Variants in SH3RF3 observed in about 807,000 individuals in gnomAD.
The protein encoded by SH3RF3 is E3 ubiquitin-protein ligase SH3RF3.
Under a neutral mutation model 66.3 loss-of-function variants are expected in SH3RF3, and 29 were observed. The ratio of observed to expected loss-of-function variants is 0.44; its 90% CI spans 0.33 to 0.60. The LOEUF (loss-of-function observed/expected upper bound fraction) is 0.60. Among genes scored for constraint, SH3RF3 ranks in the 20% least tolerant of loss-of-function variants. The pLI is 0.04. For missense variants in SH3RF3, 1,194 were observed against 1,190.9 expected, an observed-to-expected ratio of 1.00 and a Z score of -0.04; for synonymous variants, 583 against 532.0, an observed-to-expected ratio of 1.10 and a Z score of -1.32.
At chr2:109,173,854 A>C (rs951563360) in intron 1 of SH3RF3, among the ~76,000 whole-genome samples, 1 of 152,226 alleles carries the variant, frequency 6.6e-6, no homozygotes, top group Non-Finnish European at 1.5e-5. Flanking sequence ...TTGGATGTTC[A>C]GACTCAGCTC....
At chr2:109,309,986 T>C (rs560382083) in intron 1 of SH3RF3, among the ~76,000 whole-genome samples, 1 of 126,026 alleles carries the variant, frequency 7.9e-6, no homozygotes, top group Non-Finnish European at 1.6e-5. Flanking sequence ...CTGCACCAGG[T>C]GGACCTAATA....
At chr2:109,415,159 C>A (rs1456984221) in intron 4 of SH3RF3, among the ~76,000 whole-genome samples, 1 of 152,190 alleles carries the variant, frequency 6.6e-6, no homozygotes, top group Non-Finnish European at 1.5e-5. Context: ...ATTGGAGTCT[C>A]CTCCAGACTC....
At chr2:109,418,863 G>T (rs912550944) in intron 4 of SH3RF3, among the ~76,000 whole-genome samples, 2 of 152,148 alleles carry the variant, frequency 1.3e-5, no homozygotes, top group Non-Finnish European at 2.9e-5. Context: ...GCCCTGCATG[G>T]GCTGGGACTA....
chr2:109,330,523 T>A (rs1682259725), intron 1 of SH3RF3, among the ~76,000 whole-genome samples: 1 of 152,208 alleles, frequency 6.6e-6, no homozygotes, highest in African/African-American at 2.4e-5. Context: ...CCTTGTATTG[T>A]TAGATGTCTA....
intron 1 of SH3RF3, among the ~76,000 whole-genome samples, chr2:109,301,351 T>C (rs1681462525): frequency 1.3e-5 from 1 of 74,624 alleles, no homozygotes; most frequent in African/African-American, 4.1e-5. Context: ...TGTGTGTGTG[T>C]GTTTGTGTAT....
intron 8 of SH3RF3, among the ~76,000 whole-genome samples, chr2:109,468,855 GAAAAA>G (rs397940375): frequency 9.3e-5 from 6 of 64,860 alleles, no homozygotes; most frequent in African/African-American, 3.2e-4. Context: ...CTCTGTCTCA[GAAAAA>G]AAAAAAAAAA....
chr2:109,140,124 A>AC (rs1676912851), intron 1 of SH3RF3, among the ~76,000 whole-genome samples: 1 of 152,142 alleles, frequency 6.6e-6, no homozygotes, highest in African/African-American at 2.4e-5. Flanking sequence ...CCCTCTGTCC[A>AC]CCGTCCCCTC....
At chr2:109,294,683 G>A (rs911213347) in intron 1 of SH3RF3, among the ~76,000 whole-genome samples, 5 of 152,126 alleles carry the variant, frequency 3.3e-5, no homozygotes, top group African/African-American at 9.7e-5. Context: ...ATGTGGTGAC[G>A]GGGCTGGGCT....
In SH3RF3 at chr2:109,398,666, T is replaced by A. The variant is rs1335988199; in HGVS notation, c.1022T>A (p.Leu341Gln). 1 of 1,607,842 alleles carries A rather than the reference T, an allele frequency of 6.2e-7. No homozygotes were observed. Among genetic ancestry groups the A allele is most frequent in the Non-Finnish European group, 8.5e-7 (1 of 1,177,506 alleles). Residue 341 changes from leucine (L) to glutamine (Q), a missense_variant, in exon 4 of 10, where the codon CTG becomes CAG. Transcript: ENST00000309415. ...GCTGCATCCAGCTGCAATGCCTCCC[T>A]GCCCTCTGACTCCGGCGCTGTGGCC... is the stretch of plus-strand genomic sequence containing the variant. ...PAAASSCNASLPSDSGAVASV... is the reference protein window; with the variant it reads ...PAAASSCNASQPSDSGAVASV...
intron 4 of SH3RF3, among the ~76,000 whole-genome samples, chr2:109,412,025 C>A (rs1676603894): frequency 6.6e-6 from 1 of 152,198 alleles, no homozygotes; most frequent in South Asian, 2.1e-4. Context: ...TCCCACTGTC[C>A]ACACCTCAGG....
chr2:109,268,581 T>G (rs1257727127), intron 1 of SH3RF3, among the ~76,000 whole-genome samples: 1 of 152,292 alleles, frequency 6.6e-6, no homozygotes, highest in South Asian at 2.1e-4. Context: ...TGGGCCTCGC[T>G]CCAGGGAGAG....
rs146983883 is a variant in SH3RF3, at chr2:109,329,745, G to A, written c.574-17929G>A. On this transcript the variant is annotated intron_variant, in intron 1 of 9. Transcript: ENST00000309415. ...AAGGTGAAATGAATTGCAGGAGTGT[G>A]ACACAAAGGAGGCTGGAGATGCCTT... 4.7e-3 allele frequency among the ~76,000 whole-genome samples: 717 copies of A among 152,326 alleles called. 4 individuals carry two copies. The highest frequency in any genetic ancestry group is 0.016 in the African/African-American group (667 of 41,562).
intron 1 of SH3RF3, among the ~76,000 whole-genome samples, chr2:109,313,076 A>G (rs1351733529): frequency 6.6e-6 from 1 of 152,180 alleles, no homozygotes; most frequent in East Asian, 1.9e-4. Flanking sequence ...TGCAATCCAC[A>G]TACTTCAGAG....
At chr2:109,188,625 C>A (rs1431588868) in intron 1 of SH3RF3, among the ~76,000 whole-genome samples, 1 of 152,178 alleles carries the variant, frequency 6.6e-6, no homozygotes, top group Non-Finnish European at 1.5e-5. Context: ...GGTGAGGGTG[C>A]AGTCATCCAC....
Position 109,466,274 on chromosome 2 carries a change from G to T in SH3RF3, c.2148+16785G>T, listed in dbSNP as rs1193085639. 2.0e-5 allele frequency among the ~76,000 whole-genome samples: 3 copies of T among 151,860 alleles called. No homozygotes were observed. The East Asian group carries it at 5.8e-4, about 29-fold the overall frequency. ...ATTTTTGTATTTTTAGTAGAGACGG[G>T]GTTTCACTGTGTTAGCCAGGATGGT... On this transcript the variant is annotated intron_variant, in intron 8 of 9. Coordinates refer to ENST00000309415, the MANE Select transcript of SH3RF3 (RefSeq NM_001099289.3).
At chr2:109,453,696 C>T (rs552161366) in intron 8 of SH3RF3, among the ~76,000 whole-genome samples, 1 of 152,334 alleles carries the variant, frequency 6.6e-6, no homozygotes, top group East Asian at 1.9e-4. Flanking sequence ...GAAAGGTCAA[C>T]CCTGGCCTGG....
intron 1 of SH3RF3, among the ~76,000 whole-genome samples, chr2:109,299,424 TTAAGATCACCC>T (rs1029259364): frequency 1.2e-4 from 18 of 149,914 alleles, no homozygotes; most frequent in Non-Finnish European, 1.6e-4. Context: ...GTGGCCATCC[TTAAGATCACCC>T]TAAGGGTGAT....
At chr2:109,396,859 C>T (rs1573218513) in intron 3 of SH3RF3, among the ~76,000 whole-genome samples, 2 of 152,270 alleles carry the variant, frequency 1.3e-5, no homozygotes. Context: ...TAGCGGCTCA[C>T]ATGGTCCTTC....
chr2:109,242,719 C>G (rs116342965), intron 1 of SH3RF3, among the ~76,000 whole-genome samples: 1 of 152,298 alleles, frequency 6.6e-6, no homozygotes, highest in African/African-American at 2.4e-5. Flanking sequence ...GGTCTGGGCT[C>G]AGAGGTTTGG....
Sources: gnomAD v4.1 joint callset for allele counts (sites outside exome capture counted in the v4.1 genomes callset) on GRCh38, gnomAD v4.1.1 for gene constraint, MANE v1.5 for transcripts, NCBI Gene and HGNC (gene_info 2026-07-23, HGNC 2026-07-21) for gene names.